GPNMB: variants seen among roughly 807,000 people sequenced by gnomAD.
GPNMB encodes glycoprotein nmb, also known as transmembrane glycoprotein NMB.
GPNMB carries 71 observed loss-of-function variants against 57.3 expected under a neutral mutation model. That is an observed-to-expected ratio of 1.24 (90% CI 1.02 to 1.51). The LOEUF (loss-of-function observed/expected upper bound fraction) is 1.51. GPNMB is among the 40% of genes most tolerant of loss of function. The pLI is 0.00. For synonymous variants in GPNMB, 253 were observed against 263.2 expected (o/e 0.96, Z 0.38); for missense variants, 677 against 691.9 (o/e 0.98, Z 0.24).
intron 1 of GPNMB, chr7:23,247,491 G>A (rs1431920492): frequency 1.9e-5 from 3 of 156,562 alleles, no homozygotes; most frequent in Non-Finnish European, 4.2e-5. Flanking sequence ...TGATACCCAC[G>A]CAATGAAACC....
intron 2 of GPNMB, among the ~76,000 whole-genome samples, chr7:23,253,715 C>T (rs1047261092): frequency 1.3e-5 from 2 of 152,202 alleles, no homozygotes; most frequent in Non-Finnish European, 2.9e-5. Flanking sequence ...GCAGATTTAG[C>T]TTTAAACCTA....
At chr7:23,260,835 G>C (rs1782905534) in intron 6 of GPNMB, 62 bp downstream of exon 6, 1 of 1,247,384 alleles carries the variant, frequency 8.0e-7, no homozygotes, top group Non-Finnish European at 1.1e-6. Flanking sequence ...ATTCACGCAG[G>C]TCATATTATT....
At chr7:23,270,239 A>G (rs950352724) in intron 9 of GPNMB, 64 bp downstream of exon 9, 4 of 1,095,090 alleles carry the variant, frequency 3.7e-6, no homozygotes, top group Non-Finnish European at 5.5e-6. Flanking sequence ...ATCCCATACT[A>G]AAGCTATTTA....
intron 9 of GPNMB, among the ~76,000 whole-genome samples, chr7:23,271,688 C>T (rs1046216493): frequency 3.3e-5 from 5 of 151,734 alleles, no homozygotes; most frequent in Admixed American, 6.6e-5. Context: ...CCCAGCTACT[C>T]GGGAGGCTGA....
At chr7:23,270,305 T>C (rs1783171775) in intron 9 of GPNMB, 130 bp downstream of exon 9, 1 of 631,460 alleles carries the variant, frequency 1.6e-6, no homozygotes, top group South Asian at 2.0e-5. Flanking sequence ...TGAACTCTTA[T>C]TAATAAGGAT....
chr7:23,271,152 C>T (rs116308172), intron 9 of GPNMB, among the ~76,000 whole-genome samples: 2,012 of 152,332 alleles, frequency 0.013, 34 homozygotes, highest in African/African-American at 0.046. Flanking sequence ...CTAGCTCTCT[C>T]GCATGTGCAG....
intron 9 of GPNMB, 43 bp downstream of exon 9, chr7:23,270,218 G>A (rs1455627843): frequency 1.5e-6 from 2 of 1,315,552 alleles, no homozygotes; most frequent in East Asian, 4.6e-5. Context: ...CATACTGCAA[G>A]TAAAGTGTGT....
chr7:23,247,148 A>G (rs1315996035), intron 1 of GPNMB: 2 of 563,412 alleles, frequency 3.5e-6, no homozygotes, highest in African/African-American at 3.8e-5. Flanking sequence ...AGTAAAAACT[A>G]TGCTGCCCTT....
At chr7:23,265,609 A>G (rs1191239025) in intron 6 of GPNMB, among the ~76,000 whole-genome samples, 1 of 152,160 alleles carries the variant, frequency 6.6e-6, no homozygotes, top group Non-Finnish European at 1.5e-5. Context: ...TGAGACATCC[A>G]AACAGGGAAA....
At chr7:23,250,555 C>T (rs575434617) in intron 1 of GPNMB, among the ~76,000 whole-genome samples, 2 of 138,940 alleles carry the variant, frequency 1.4e-5, no homozygotes, top group African/African-American at 2.8e-5. Flanking sequence ...CATAGTGGGA[C>T]CCCCATCTCT....
rs371776692 is a variant in GPNMB at position 23,260,454 on chromosome 7, A to C, written c.701-2A>C. On this transcript the variant is annotated splice_acceptor_variant, in intron 5 of 10. Coordinates refer to ENST00000258733, the MANE Select transcript of GPNMB (RefSeq NM_002510.3). LOFTEE classifies it high-confidence loss of function. Reference sequence around the variant, plus strand: ...TATTTCTTTGGGGGATGTATCTTTTAGATCAGATTCCTGTGTTTGTGACTA... The same window carrying C: ...TATTTCTTTGGGGGATGTATCTTTTCGATCAGATTCCTGTGTTTGTGACTA... The C allele has an allele frequency of 4.3e-5, 69 of 1,603,382 alleles. No individual in the cohort carries two copies. The highest frequency in any genetic ancestry group is 5.5e-5 in the Non-Finnish European group (64 of 1,172,896).
At chr7:23,255,927 G>A (rs1163978844) in intron 3 of GPNMB, among the ~76,000 whole-genome samples, 1 of 150,324 alleles carries the variant, frequency 6.7e-6, no homozygotes, top group African/African-American at 2.5e-5. Context: ...TCTTTTTTGA[G>A]ACAGAGTTTC....
intron 8 of GPNMB, among the ~76,000 whole-genome samples, chr7:23,268,649 T>C (rs901567110): frequency 1.3e-5 from 2 of 152,242 alleles, no homozygotes; most frequent in African/African-American, 4.8e-5. Flanking sequence ...GATTAAAATA[T>C]ATGTGTGTGT....
Position 23,260,551 on chromosome 7 carries a change from C to T in GPNMB, c.796C>T (p.Leu266=). The T allele has an allele frequency of 6.2e-7, 1 of 1,613,440 alleles. No homozygotes were observed. The highest frequency in any genetic ancestry group is 8.5e-7 in the Non-Finnish European group (1 of 1,179,398). The change falls in exon 6 of 11, where the codon CTG becomes TTG. Residue 266 remains leucine (L), a synonymous_variant. Coordinates refer to ENST00000258733, the MANE Select transcript of GPNMB (RefSeq NM_002510.3). ...AGATCTCCCCATTATGTTTGATGTC[C>T]TGATTCATGATCCTAGCCACTTCCT... is the stretch of plus-strand genomic sequence containing the variant. ...LKDLPIMFDV[L]IHDPSHFLNY...
intron 3 of GPNMB, 50 bp from the exon 4 acceptor site, chr7:23,256,842 G>A: frequency 6.6e-7 from 1 of 1,506,762 alleles, no homozygotes; most frequent in Non-Finnish European, 9.2e-7. Context: ...ATGCACATTG[G>A]GTTTTCTGAG....
At chr7:23,256,121 G>C in intron 3 of GPNMB, among the ~76,000 whole-genome samples, 2 of 152,190 alleles carry the variant, frequency 1.3e-5, no homozygotes, top group East Asian at 3.9e-4. Flanking sequence ...GGCCAGGCTG[G>C]TCTCGAACTC....
rs1250351303 is a variant in GPNMB, at chr7:23,260,138, GGTGAGTGGT to G, written c.700+5_700+13del. 6.2e-7 allele frequency: 1 copy of G among 1,613,666 alleles called. No homozygotes were observed. Among genetic ancestry groups the G allele is most frequent in the Admixed American group, 1.7e-5 (1 of 59,992 alleles). ...AGTGAAAGATGTGTACGTGGTAACA[GGTGAGTGGT>G]GTGAACTCTAACTGAGGATGAGGCA... On this transcript the variant is annotated splice_donor_variant and splice_donor_5th_base_variant and intron_variant, in intron 5 of 10. Transcript: ENST00000258733. LOFTEE classifies it high-confidence loss of function.
In GPNMB at chr7:23,246,833, G is replaced by A; in HGVS notation, c.-25G>A. On this transcript the variant is annotated 5_prime_UTR_variant, in exon 1 of 11. The change creates a new upstream start codon in the 5' untranslated region. Coordinates refer to ENST00000258733, the MANE Select transcript of GPNMB (RefSeq NM_002510.3). Reference sequence around the variant, plus strand: ...AGAGGAATTCAGAGTTAAACCTTGAGTGCCTGCGTCCGTGAGAATTCAGCA... The same window carrying A: ...AGAGGAATTCAGAGTTAAACCTTGAATGCCTGCGTCCGTGAGAATTCAGCA... 6.3e-7 allele frequency: 1 copy of A among 1,586,654 alleles called. No individual in the cohort carries two copies. The highest frequency in any genetic ancestry group is 8.7e-7 in the Non-Finnish European group (1 of 1,154,966).
Position 23,274,087 on chromosome 7 carries a change from A to G in GPNMB, c.1546A>G (p.Ile516Val), listed in dbSNP as rs139690920. 7.9e-5 allele frequency: 127 copies of G among 1,612,496 alleles called. No individual in the cohort carries two copies. The highest frequency in any genetic ancestry group is 1.7e-4 in the Middle Eastern group (1 of 6,060). Residue 516 changes from isoleucine to valine, a missense_variant, in exon 11 of 11, where the codon ATA becomes GTA. By Grantham distance (29) the Ile-to-Val change is conservative. Coordinates refer to ENST00000258733, the MANE Select transcript of GPNMB (RefSeq NM_002510.3). ...VYKKHKEYNP[I>V]ENSPGNVVRS... is the part of the protein sequence containing the mutation. ...CAGAAAACACAAGGAATACAACCCA[A>G]TAGAAAATAGTCCTGGGAATGTGGT...
Sources: allele counts gnomAD v4.1 joint callset (sites outside exome capture counted in the v4.1 genomes callset), GRCh38; gene constraint gnomAD v4.1.1; transcripts MANE v1.5; gene names NCBI Gene and HGNC (gene_info 2026-07-23, HGNC 2026-07-21).